Variants in CASR observed in about 807,000 individuals in gnomAD.
The protein encoded by CASR is extracellular calcium-sensing receptor.
A neutral mutation model predicts 69.1 loss-of-function variants in CASR; 23 were observed. The ratio of observed to expected loss-of-function variants is 0.33; its 90% CI spans 0.24 to 0.47. The LOEUF (loss-of-function observed/expected upper bound fraction) is 0.47, where lower values mean the gene tolerates loss of function less well. Ranked by LOEUF, CASR falls within the 20% of genes least tolerant of loss-of-function variation. The probability of loss-of-function intolerance (pLI) is 1.00; values close to 1 mark genes in which losing one functional copy is unlikely to be tolerated. For missense variants in CASR, 924 were observed against 1,356.1 expected (o/e 0.68, Z 5.00); for synonymous variants, 541 against 544.7 (o/e 0.99, Z 0.10).
chr3:122,201,657 C>T (rs560717366), intron 1 of CASR, among the ~76,000 whole-genome samples: 3 of 83,330 alleles, frequency 3.6e-5, no homozygotes, highest in Non-Finnish European at 6.3e-5. Context: ...CCGGACGGGG[C>T]GGCTGGCCAG....
chr3:122,202,472 G>C (rs1176115256), intron 1 of CASR, among the ~76,000 whole-genome samples: 30 of 149,458 alleles, frequency 2.0e-4, no homozygotes, highest in Admixed American at 2.0e-3. Flanking sequence ...GAGGGAGAGG[G>C]AGACCGTGGG....
At position 122,283,961 on chromosome 3, in the gene CASR, C is replaced by T. The variant is rs967478601; in HGVS notation, c.2007C>T (p.Ile669=). ...GCTTCTCCAGCTCCCTGTTCTTCATCGGGGAGCCCCAGGACTGGACGTGCC... is the reference window on the plus strand; with the variant it reads ...GCTTCTCCAGCTCCCTGTTCTTCATTGGGGAGCCCCAGGACTGGACGTGCC... The part of the protein sequence containing the change: ...LCCFSSSLFF[I]GEPQDWTCRL... Residue 669 remains isoleucine, a synonymous_variant, in exon 7 of 7, where the codon ATC becomes ATT. Transcript: ENST00000639785. The T allele has an allele frequency of 1.2e-6, 2 of 1,613,608 alleles. No homozygotes were observed. The highest frequency in any genetic ancestry group is 1.7e-6 in the Non-Finnish European group (2 of 1,179,890).
At chr3:122,230,540 C>G (rs2074269390) in intron 1 of CASR, among the ~76,000 whole-genome samples, 1 of 152,222 alleles carries the variant, frequency 6.6e-6, no homozygotes, top group South Asian at 2.1e-4. Flanking sequence ...CCCCCACCCC[C>G]TGCAACAGGG....
chr3:122,221,188 C>T (rs1028934940), intron 1 of CASR, among the ~76,000 whole-genome samples: 2 of 152,146 alleles, frequency 1.3e-5, no homozygotes, highest in African/African-American at 4.8e-5. Context: ...TAGAAAGAGA[C>T]ATTGAGTTTT....
At chr3:122,200,066 C>G (rs2073927331) in intron 1 of CASR, among the ~76,000 whole-genome samples, 1 of 152,144 alleles carries the variant, frequency 6.6e-6, no homozygotes, top group African/African-American at 2.4e-5. Context: ...AGCCATCACA[C>G]CTGGCTAATT....
rs554283316 is a variant in CASR at position 122,281,632 on chromosome 3, AT to A, written c.1609-473del. On this transcript the variant is annotated intron_variant, in intron 5 of 6. Coordinates refer to ENST00000639785, the MANE Select transcript of CASR (RefSeq NM_000388.4). ...TTATTTATCTGTTGGTGATCATATG[AT>A]TTTTTTTCTCCATTAATTTGCTAAT... Among the ~76,000 whole-genome samples, 73 of 151,820 alleles carry A rather than the reference AT, an allele frequency of 4.8e-4. 1 individual carries two copies. The highest frequency in any genetic ancestry group is 3.4e-3 in the Middle Eastern group (1 of 294).
chr3:122,289,188 G>A lies in CASR; in HGVS notation c.*3997G>A, dbSNP rs2074991643. Reference sequence around the variant, plus strand: ...AATAATTATTGCTACAAGAATAATGGAACATCAATAAGGGGTGCTAATCAC... The same window carrying A: ...AATAATTATTGCTACAAGAATAATGAAACATCAATAAGGGGTGCTAATCAC... On this transcript the variant is annotated 3_prime_UTR_variant, in exon 7 of 7. Coordinates refer to ENST00000639785, the MANE Select transcript of CASR (RefSeq NM_000388.4). 6.6e-6 allele frequency: 1 copy of A among 152,250 alleles called. No individual in the cohort carries two copies. Among genetic ancestry groups the A allele is most frequent in the Admixed American group, 6.5e-5 (1 of 15,284 alleles). The allele number at this position is 152,250 out of a possible 1,614,324, so 9.4% of individuals were successfully genotyped here.
chr3:122,252,446 A>AAAGAAAGAAAGAAAG (rs1171805148), intron 1 of CASR, among the ~76,000 whole-genome samples: 19 of 98,820 alleles, frequency 1.9e-4, no homozygotes, highest in African/African-American at 8.3e-4. Context: ...AGAAAGAAAG[A>AAAGAAAGAAAGAAAG]AAAAAAAGAA....
intron 1 of CASR, among the ~76,000 whole-genome samples, chr3:122,203,760 T>C (rs938476037): frequency 6.6e-6 from 1 of 152,058 alleles, no homozygotes; most frequent in Non-Finnish European, 1.5e-5. Flanking sequence ...AATAAAGTAA[T>C]TGTACTATGA....
intron 4 of CASR, among the ~76,000 whole-genome samples, chr3:122,271,485 C>G (rs1318454946): frequency 1.3e-5 from 2 of 152,168 alleles, no homozygotes; most frequent in East Asian, 3.8e-4. Context: ...ACCAAGTATC[C>G]TAGAGGCTAC....
intron 1 of CASR, among the ~76,000 whole-genome samples, chr3:122,202,416 G>A (rs1208912629): frequency 1.3e-5 from 2 of 151,246 alleles, no homozygotes; most frequent in Non-Finnish European, 3.0e-5. Flanking sequence ...TGGAAAGAGA[G>A]GGAGAGGGAG....
intron 4 of CASR, among the ~76,000 whole-genome samples, chr3:122,271,860 T>C (rs1272192267): frequency 6.6e-6 from 1 of 152,188 alleles, no homozygotes; most frequent in Non-Finnish European, 1.5e-5. Context: ...ATAAAACATA[T>C]GATCTTTTGT....
In CASR at chr3:122,282,208, T is replaced by C. The variant is rs2107648376; in HGVS notation, c.1704T>C (p.Cys568=). 6.2e-7 allele frequency: 1 copy of C among 1,614,138 alleles called. No homozygotes were observed. Among genetic ancestry groups the C allele is most frequent in the Non-Finnish European group, 8.5e-7 (1 of 1,180,002 alleles). The change falls in exon 6 of 7, where the codon TGT becomes TGC. Residue 568 remains cysteine (C), a synonymous_variant. Transcript: ENST00000639785. The stretch of plus-strand genomic sequence containing the variant: ...CCTGCTGCTTTGAGTGTGTGGAGTG[T>C]CCTGATGGGGAGTATAGTGATGAGA... ...EPTCCFECVE[C]PDGEYSDETD...
intron 4 of CASR, among the ~76,000 whole-genome samples, chr3:122,268,045 T>C (rs2074713938): frequency 6.6e-6 from 1 of 152,196 alleles, no homozygotes; most frequent in Admixed American, 6.5e-5. Context: ...AGTGTAATGG[T>C]TAACAGTTTG....
chr3:122,223,273 C>CA (rs1177934731), intron 1 of CASR, among the ~76,000 whole-genome samples: 2 of 151,530 alleles, frequency 1.3e-5, no homozygotes, highest in African/African-American at 4.8e-5. Context: ...GCTGGTTCTT[C>CA]AAAAAATTAA....
chr3:122,237,267 G>A (rs569268011), intron 1 of CASR, among the ~76,000 whole-genome samples: 14 of 151,970 alleles, frequency 9.2e-5, no homozygotes, highest in African/African-American at 3.1e-4. Flanking sequence ...GCACCACCAC[G>A]CCCGACTAAT....
At chr3:122,254,570 A>G (rs1490061106) in intron 2 of CASR, among the ~76,000 whole-genome samples, 196 bp downstream of exon 2, 1 of 152,134 alleles carries the variant, frequency 6.6e-6, no homozygotes, top group Non-Finnish European at 1.5e-5. Flanking sequence ...ATAAAATGTC[A>G]ATGATATTAA....
At chr3:122,218,062 T>C (rs2074134348) in intron 1 of CASR, among the ~76,000 whole-genome samples, 1 of 151,890 alleles carries the variant, frequency 6.6e-6, no homozygotes, top group Non-Finnish European at 1.5e-5. Context: ...ATTGAAGTGA[T>C]TCAAACAAGA....
chr3:122,238,528 G>A (rs1443318743), intron 1 of CASR, among the ~76,000 whole-genome samples: 1 of 152,152 alleles, frequency 6.6e-6, no homozygotes, highest in Non-Finnish European at 1.5e-5. Context: ...TCCTAGTGCT[G>A]GGCTAGGCTT....
Sources: gnomAD v4.1 joint callset for allele counts (sites outside exome capture counted in the v4.1 genomes callset) on GRCh38, gnomAD v4.1.1 for gene constraint, MANE v1.5 for transcripts, NCBI Gene and HGNC (gene_info 2026-07-23, HGNC 2026-07-21) for gene names.